AFG2A: variants seen among roughly 807,000 people sequenced by gnomAD.
The protein encoded by AFG2A is AAA ATPase AFG2A, also known as ATPase family gene 2 protein homolog A.
chr4:122,984,762 G>C, the AFG2A span, among the ~76,000 whole-genome samples: 1 of 152,162 alleles, frequency 6.6e-6, no homozygotes, highest in African/African-American at 2.4e-5. Context: ...TTATTGACTT[G>C]CATATGTTAA....
chr4:122,938,223 T>C, the AFG2A span: 1 of 1,605,778 alleles, frequency 6.2e-7, no homozygotes. Context: ...GGCTTCACTC[T>C]TAACACTGAT....
chr4:123,279,510 A>G, the AFG2A span, among the ~76,000 whole-genome samples: 1 of 152,206 alleles, frequency 6.6e-6, no homozygotes, highest in Non-Finnish European at 1.5e-5. Flanking sequence ...TTCTGAAATT[A>G]GGAAAAGGTA....
At chr4:123,001,728 G>A in the AFG2A span, among the ~76,000 whole-genome samples, 10 of 152,150 alleles carry the variant, frequency 6.6e-5, no homozygotes, top group Non-Finnish European at 1.0e-4. Context: ...TTCCAACTAT[G>A]TGGTCAATTT....
At chr4:123,045,645 C>G in the AFG2A span, among the ~76,000 whole-genome samples, 2 of 152,140 alleles carry the variant, frequency 1.3e-5, no homozygotes, top group African/African-American at 4.8e-5. Context: ...GCATTCTTCT[C>G]ATTGCATTCT....
chr4:123,226,638 C>T, the AFG2A span, among the ~76,000 whole-genome samples: 14 of 152,170 alleles, frequency 9.2e-5, no homozygotes, highest in African/African-American at 3.1e-4. Context: ...ATTTTTGCAT[C>T]GATGTTCATC....
At chr4:122,951,423 T>C in the AFG2A span, among the ~76,000 whole-genome samples, 1 of 125,528 alleles carries the variant, frequency 8.0e-6, no homozygotes, top group Non-Finnish European at 1.7e-5. Flanking sequence ...CCTATCAGAC[T>C]TTTCCAAAGT....
chr4:123,144,319 C>A, the AFG2A span, among the ~76,000 whole-genome samples: 529 of 152,130 alleles, frequency 3.5e-3, 7 homozygotes, highest in African/African-American at 0.012. Context: ...TTCTGGCTTG[C>A]ACAGCAAAGT....
chr4:122,935,794 G>A, the AFG2A span: 2 of 1,613,272 alleles, frequency 1.2e-6, no homozygotes, highest in Non-Finnish European at 1.7e-6. Flanking sequence ...TGTTGCTAAT[G>A]AAGTTGGAGC....
chr4:123,160,325 T>A, the AFG2A span, among the ~76,000 whole-genome samples: 1 of 152,120 alleles, frequency 6.6e-6, no homozygotes, highest in Non-Finnish European at 1.5e-5. Flanking sequence ...GCAGGCAAAA[T>A]AAAGACACAC....
the AFG2A span, chr4:123,318,772 A>AG: frequency 1.9e-5 from 1 of 53,196 alleles, no homozygotes. Context: ...AAAAAAAAAA[A>AG]AAAAGGGGGG....
At chr4:123,219,743 T>C in the AFG2A span, among the ~76,000 whole-genome samples, 1 of 152,216 alleles carries the variant, frequency 6.6e-6, no homozygotes, top group African/African-American at 2.4e-5. Context: ...TGCATGTGTA[T>C]AAAATATTTC....
chr4:123,256,226 G>C, the AFG2A span: 1 of 1,597,054 alleles, frequency 6.3e-7, no homozygotes, highest in Non-Finnish European at 8.6e-7. Flanking sequence ...GAAAGCGGTG[G>C]CTCAGGGTCA....
At chr4:123,281,212 G>A in the AFG2A span, among the ~76,000 whole-genome samples, 1 of 152,046 alleles carries the variant, frequency 6.6e-6, no homozygotes, top group Non-Finnish European at 1.5e-5. Flanking sequence ...GGAATCGGAT[G>A]TTTTTCATCA....
the AFG2A span, among the ~76,000 whole-genome samples, chr4:123,115,899 ATT>A: frequency 5.9e-5 from 9 of 152,222 alleles, no homozygotes; most frequent in East Asian, 5.8e-4. Flanking sequence ...TTTTGGGGAC[ATT>A]TTTTAAAAAA....
At chr4:123,303,357 A>G in the AFG2A span, among the ~76,000 whole-genome samples, 1 of 152,008 alleles carries the variant, frequency 6.6e-6, no homozygotes, top group African/African-American at 2.4e-5. Flanking sequence ...CCCGTCTCCT[A>G]AAACAAATAA....
the AFG2A span, among the ~76,000 whole-genome samples, chr4:123,134,521 C>T: frequency 1.3e-5 from 2 of 149,684 alleles, no homozygotes; most frequent in African/African-American, 4.9e-5. Flanking sequence ...TTGTGTGATG[C>T]TTCCAGCTTT....
chr4:123,007,853 G>C, the AFG2A span, among the ~76,000 whole-genome samples: 1 of 151,658 alleles, frequency 6.6e-6, no homozygotes. Context: ...ACTTTTTCCA[G>C]TCAATAAGTT....
chr4:122,939,103 GAGA>G, the AFG2A span, among the ~76,000 whole-genome samples: 1 of 57,564 alleles, frequency 1.7e-5, no homozygotes, highest in Non-Finnish European at 3.4e-5. Flanking sequence ...TTTTTTTTTG[GAGA>G]CAGAGTTTCG....
chr4:123,157,474 G>T, the AFG2A span, among the ~76,000 whole-genome samples: 1 of 152,036 alleles, frequency 6.6e-6, no homozygotes, highest in African/African-American at 2.4e-5. Flanking sequence ...TTTGATTATT[G>T]CATTCATGTT....
Sources: gnomAD v4.1 joint callset for allele counts (sites outside exome capture counted in the v4.1 genomes callset) on GRCh38, gnomAD v4.1.1 for gene constraint, MANE v1.5 for transcripts, NCBI Gene and HGNC (gene_info 2026-07-23, HGNC 2026-07-21) for gene names.